The following MGAT4C variants were observed in gnomAD, a reference collection of about 807,000 sequenced individuals.
MGAT4C encodes the protein alpha-1,3-mannosyl-glycoprotein 4-beta-N-acetylglucosaminyltransferase C.
A neutral mutation model predicts 40.1 loss-of-function variants in MGAT4C; 19 were observed. The ratio of observed to expected loss-of-function variants is 0.47; its 90% CI spans 0.33 to 0.70. The LOEUF is 0.70. Ranked by LOEUF, MGAT4C falls within the 30% of genes least tolerant of loss-of-function variation. The probability of loss-of-function intolerance (pLI) is 0.02; values close to 1 mark genes in which losing one functional copy is unlikely to be tolerated. For synonymous variants in MGAT4C, 181 were observed against 187.1 expected (o/e 0.97, Z 0.27); for missense variants, 491 against 563.2 (o/e 0.87, Z 1.30).
chr12:86,558,595 AC>A (rs1410547686), intron 2 of MGAT4C, among the ~76,000 whole-genome samples: 1 of 152,050 alleles, frequency 6.6e-6, no homozygotes, highest in East Asian at 1.9e-4. Context: ...TCCCAGACAA[AC>A]AAAAACAGAA....
chr12:86,102,690 G>A (rs1477875533), intron 1 of MGAT4C, among the ~76,000 whole-genome samples: 1 of 152,020 alleles, frequency 6.6e-6, no homozygotes, highest in African/African-American at 2.4e-5. Context: ...GGAGAAAGGG[G>A]TGAAAGATAT....
At chr12:86,023,810 T>A (rs1177788630) in intron 2 of MGAT4C, among the ~76,000 whole-genome samples, 1 of 151,722 alleles carries the variant, frequency 6.6e-6, no homozygotes, top group African/African-American at 2.4e-5. Flanking sequence ...AAGTGTTTGT[T>A]CTTGTTTATC....
At position 86,803,962 on chromosome 12, in the gene MGAT4C, C is replaced by T. The variant is rs1253719334; in HGVS notation, c.-262+34704G>A. ...AATCATGCTGCTATAAAGACACATG[C>T]ACACGTATGTTTATTGCGGCATTAT... On this transcript the variant is annotated intron_variant, in intron 1 of 7. Coordinates refer to the MGAT4C transcript ENST00000548651. Among the ~76,000 whole-genome samples, 9 of 136,608 alleles carry T rather than the reference C, an allele frequency of 6.6e-5. No individual in the cohort carries two copies. In the East Asian group the frequency reaches 9.0e-4, roughly 14 times the overall value. The allele number at this position is 136,608 out of a possible 152,430, so 89.6% of individuals were successfully genotyped here. A position where few individuals can be genotyped will look rare whatever the true frequency, so the allele number is the denominator to read the frequency against.
At chr12:86,818,506 C>T (rs1365400215) in intron 1 of MGAT4C, among the ~76,000 whole-genome samples, 1 of 150,798 alleles carries the variant, frequency 6.6e-6, no homozygotes, top group Non-Finnish European at 1.5e-5. Context: ...TCTAACAATA[C>T]AGAATTAGAC....
chr12:86,180,750 G>T (rs550327610), intron 1 of MGAT4C, among the ~76,000 whole-genome samples: 1 of 152,268 alleles, frequency 6.6e-6, no homozygotes, highest in South Asian at 2.1e-4. Flanking sequence ...TACCCCCATT[G>T]TATCTAGGAA....
intron 2 of MGAT4C, among the ~76,000 whole-genome samples, chr12:86,536,734 T>C (rs1229482081): frequency 6.6e-6 from 1 of 152,130 alleles, no homozygotes; most frequent in African/African-American, 2.4e-5. Flanking sequence ...TTGTAGAAAA[T>C]ATACCACCCA....
intron 1 of MGAT4C, among the ~76,000 whole-genome samples, chr12:86,211,794 GTTT>G (rs923249337): frequency 1.4e-5 from 2 of 147,412 alleles, no homozygotes; most frequent in African/African-American, 5.0e-5. Context: ...TTGTTGTTTT[GTTT>G]TTTTTTTCCT....
intron 2 of MGAT4C, among the ~76,000 whole-genome samples, chr12:86,558,681 C>G (rs1320812118): frequency 1.3e-5 from 2 of 151,970 alleles, no homozygotes; most frequent in African/African-American, 4.8e-5. Flanking sequence ...ATGACAGTAT[C>G]TACAATTATC....
At chr12:86,385,950 A>C (rs1298718807) in intron 3 of MGAT4C, among the ~76,000 whole-genome samples, 2 of 151,808 alleles carry the variant, frequency 1.3e-5, no homozygotes, top group Non-Finnish European at 2.9e-5. Context: ...ATTTTTTTTG[A>C]GACGGAGTCT....
At chr12:86,149,716 A>G (rs868120745) in intron 1 of MGAT4C, among the ~76,000 whole-genome samples, 2 of 152,198 alleles carry the variant, frequency 1.3e-5, no homozygotes, top group African/African-American at 4.8e-5. Flanking sequence ...TAATTCTTCA[A>G]CAGGGGTCTC....
Position 86,225,885 on chromosome 12 carries a change from A to C in MGAT4C, c.-57+30354T>G, listed in dbSNP as rs188714578. On this transcript the variant is annotated intron_variant, in intron 1 of 4. Transcript: ENST00000611864. The stretch of plus-strand genomic sequence containing the variant: ...AGCATTTCCTCTGAAAATTAGAACA[A>C]GACAAGGATGCTATTTTCAGCACTT... 2.7e-3 allele frequency among the ~76,000 whole-genome samples: 411 copies of C among 152,222 alleles called. 7 individuals are homozygous for C. In the South Asian group the frequency reaches 0.03, roughly 11 times the overall value.
intron 2 of MGAT4C, among the ~76,000 whole-genome samples, chr12:86,550,826 A>G (rs984304977): frequency 1.3e-5 from 2 of 152,158 alleles, no homozygotes; most frequent in Non-Finnish European, 2.9e-5. Flanking sequence ...GTTGACATGC[A>G]CCCTGGCTGG....
intron 2 of MGAT4C, among the ~76,000 whole-genome samples, chr12:86,516,581 C>A (rs1958691101): frequency 6.6e-6 from 1 of 151,716 alleles, no homozygotes; most frequent in Admixed American, 6.6e-5. Flanking sequence ...TAATATGAGA[C>A]CAAAAGCACA....
At chr12:86,528,038 A>G (rs1958914597) in intron 2 of MGAT4C, among the ~76,000 whole-genome samples, 1 of 152,200 alleles carries the variant, frequency 6.6e-6, no homozygotes, top group South Asian at 2.1e-4. Context: ...TAAAAAGTAT[A>G]TATCTTATCA....
At chr12:86,565,227 G>A (rs1960039209) in intron 2 of MGAT4C, among the ~76,000 whole-genome samples, 1 of 152,116 alleles carries the variant, frequency 6.6e-6, no homozygotes, top group African/African-American at 2.4e-5. Context: ...GTATATATGT[G>A]ATCAGGCTCA....
chr12:86,406,602 G>A (rs1003455998), intron 3 of MGAT4C, among the ~76,000 whole-genome samples: 7 of 151,846 alleles, frequency 4.6e-5, no homozygotes, highest in Admixed American at 2.6e-4. Flanking sequence ...CAAAAAAACA[G>A]TGACAATAGC....
chr12:86,518,011 G>T (rs1958726725), intron 2 of MGAT4C, among the ~76,000 whole-genome samples: 1 of 152,044 alleles, frequency 6.6e-6, no homozygotes, highest in African/African-American at 2.4e-5. Context: ...TTTCAGGCCT[G>T]CTTTGAACTT....
At chr12:86,795,082 G>T (rs1425088628) in intron 1 of MGAT4C, among the ~76,000 whole-genome samples, 2 of 151,750 alleles carry the variant, frequency 1.3e-5, no homozygotes, top group East Asian at 3.9e-4. Context: ...ATGTTTAACA[G>T]CATTTAATAT....
At chr12:86,514,331 T>C (rs1441355127) in intron 2 of MGAT4C, among the ~76,000 whole-genome samples, 1 of 152,176 alleles carries the variant, frequency 6.6e-6, no homozygotes, top group Non-Finnish European at 1.5e-5. Flanking sequence ...ATTTTTCTAC[T>C]GCTTTAATTT....
Sources: allele counts gnomAD v4.1 joint callset (sites outside exome capture counted in the v4.1 genomes callset), GRCh38; gene constraint gnomAD v4.1.1; transcripts MANE v1.5; gene names NCBI Gene and HGNC (gene_info 2026-07-23, HGNC 2026-07-21).